Variants in NALF1 observed in about 807,000 individuals in gnomAD.
The protein encoded by NALF1 is family with sequence similarity 155 member A.
NALF1 carries 3 observed loss-of-function variants against 48.4 expected under a neutral mutation model. The observed-to-expected ratio is 0.06, with a 90% CI of 0.03 to 0.16. NALF1 has a LOEUF of 0.16. Among genes scored for constraint, NALF1 ranks in the 10% least tolerant of loss-of-function variants. The probability of loss-of-function intolerance (pLI) is 1.00; values close to 1 mark genes in which losing one functional copy is unlikely to be tolerated. For synonymous variants in NALF1, 262 were observed against 245.7 expected, an observed-to-expected ratio of 1.07 and a Z score of -0.62; for missense variants, 526 against 571.5, an observed-to-expected ratio of 0.92 and a Z score of 0.81.
rs115818347 is a variant in NALF1, at chr13:107,742,019, A to G, written c.915+123663T>C. Among the ~76,000 whole-genome samples, 444 of 152,342 alleles carry G rather than the reference A, an allele frequency of 2.9e-3. 3 individuals are homozygous for G. The highest frequency in any genetic ancestry group is 0.01 in the African/African-American group (421 of 41,568). On this transcript the variant is annotated intron_variant, in intron 1 of 2. Transcript: ENST00000375915. Reference sequence around the variant, plus strand: ...ATTAAAAATTAAGTTGATACCATCAATATCCATTACATATGTTTACAATGT... The same window carrying G: ...ATTAAAAATTAAGTTGATACCATCAGTATCCATTACATATGTTTACAATGT...
chr13:107,352,182 CCA>C (rs1470721503), intron 1 of NALF1, among the ~76,000 whole-genome samples: 1 of 152,094 alleles, frequency 6.6e-6, no homozygotes, highest in South Asian at 2.1e-4. Flanking sequence ...CAGAATCACT[CCA>C]CAGTCAGGAA....
intron 1 of NALF1, among the ~76,000 whole-genome samples, chr13:107,344,559 C>A (rs973897776): frequency 6.6e-6 from 1 of 152,136 alleles, no homozygotes; most frequent in Non-Finnish European, 1.5e-5. Context: ...TAATACACCA[C>A]ATCAACCAAA....
intron 1 of NALF1, among the ~76,000 whole-genome samples, chr13:107,332,337 A>T (rs1882483487): frequency 6.6e-6 from 1 of 152,222 alleles, no homozygotes; most frequent in African/African-American, 2.4e-5. Flanking sequence ...GAAGGGAATT[A>T]CATCAACACT....
chr13:107,347,767 C>T (rs1444324681), intron 1 of NALF1, among the ~76,000 whole-genome samples: 4 of 152,234 alleles, frequency 2.6e-5, no homozygotes, highest in Non-Finnish European at 4.4e-5. Flanking sequence ...TATTTTACTT[C>T]TGCTAATAAC....
intron 1 of NALF1, among the ~76,000 whole-genome samples, chr13:107,615,568 G>C (rs1057277012): frequency 6.6e-6 from 1 of 152,154 alleles, no homozygotes; most frequent in African/African-American, 2.4e-5. Context: ...TCAGAGCGAG[G>C]TCATAACCTG....
chr13:107,565,981 G>C (rs1235545390), intron 1 of NALF1, among the ~76,000 whole-genome samples: 1 of 152,176 alleles, frequency 6.6e-6, no homozygotes, highest in African/African-American at 2.4e-5. Flanking sequence ...TCACTGGCTA[G>C]AACGTAGATT....
At chr13:107,865,343 C>T (rs1420429226) in intron 1 of NALF1, among the ~76,000 whole-genome samples, 1 of 152,114 alleles carries the variant, frequency 6.6e-6, no homozygotes, top group Non-Finnish European at 1.5e-5. Context: ...TTGCTATTTT[C>T]CTGACAAGAC....
intron 1 of NALF1, among the ~76,000 whole-genome samples, chr13:107,284,398 G>C (rs1881450278): frequency 6.6e-6 from 1 of 152,110 alleles, no homozygotes; most frequent in African/African-American, 2.4e-5. Flanking sequence ...CCATGAGGAA[G>C]AAAGGAACTT....
chr13:107,354,569 G>A (rs538189686), intron 1 of NALF1, among the ~76,000 whole-genome samples: 4 of 152,240 alleles, frequency 2.6e-5, no homozygotes, highest in South Asian at 2.1e-4. Flanking sequence ...GTCCGCCCCC[G>A]AACAATAGGT....
At chr13:107,754,167 T>C (rs547037282) in intron 1 of NALF1, among the ~76,000 whole-genome samples, 1 of 152,216 alleles carries the variant, frequency 6.6e-6, no homozygotes, top group Non-Finnish European at 1.5e-5. Context: ...GATATGACTT[T>C]CTTCCTACTT....
intron 1 of NALF1, among the ~76,000 whole-genome samples, chr13:107,582,432 C>T (rs1878339101): frequency 6.6e-6 from 1 of 152,188 alleles, no homozygotes; most frequent in Non-Finnish European, 1.5e-5. Flanking sequence ...ATAACACTTG[C>T]ATCTAGTCCC....
chr13:107,203,994 CTGGAGG>C (rs1294627574), intron 2 of NALF1, among the ~76,000 whole-genome samples: 13 of 136,776 alleles, frequency 9.5e-5, no homozygotes, highest in African/African-American at 3.3e-4. Context: ...CCCAGGTGAG[CTGGAGG>C]CAGAGAGGGG....
chr13:107,459,671 C>G (rs961706857), intron 1 of NALF1, among the ~76,000 whole-genome samples: 1 of 152,020 alleles, frequency 6.6e-6, no homozygotes. Context: ...TCTCCTGGAG[C>G]GAAAGTAAGT....
chr13:107,247,953 G>A (rs564398804), intron 1 of NALF1, among the ~76,000 whole-genome samples: 2 of 152,172 alleles, frequency 1.3e-5, no homozygotes. Context: ...GCATTATGGT[G>A]GCTTAGCAAA....
chr13:107,736,794 AG>A (rs1485490761), intron 1 of NALF1, among the ~76,000 whole-genome samples: 1 of 152,228 alleles, frequency 6.6e-6, no homozygotes, highest in Non-Finnish European at 1.5e-5. Context: ...CTGATAGATG[AG>A]AAAAAGAAAG....
chr13:107,322,749 A>G (rs977793744), intron 1 of NALF1, among the ~76,000 whole-genome samples: 10 of 152,108 alleles, frequency 6.6e-5, no homozygotes, highest in African/African-American at 2.4e-4. Flanking sequence ...CCACTCTTTC[A>G]AGTCCACAAT....
chr13:107,390,301 C>T lies in NALF1; in HGVS notation c.916-179546G>A, dbSNP rs183087073. ...TGGAGGTTATAGTGGGCCAAGATCA[C>T]GCCACTGCACTCCAGCCTGGGTGAC... On this transcript the variant is annotated intron_variant, in intron 1 of 2. Coordinates refer to ENST00000375915, the MANE Select transcript of NALF1 (RefSeq NM_001080396.3). 1.9e-4 allele frequency among the ~76,000 whole-genome samples: 28 copies of T among 151,104 alleles called. No individual in the cohort carries two copies. In the East Asian group the frequency reaches 3.9e-3, roughly 21 times the overall value.
intron 1 of NALF1, among the ~76,000 whole-genome samples, chr13:107,235,995 A>T (rs1880334047): frequency 1.3e-5 from 2 of 152,200 alleles, no homozygotes; most frequent in Admixed American, 1.3e-4. Flanking sequence ...TTACAGAGGA[A>T]AGAATACTCC....
intron 1 of NALF1, among the ~76,000 whole-genome samples, chr13:107,688,259 A>G (rs1268828644): frequency 6.6e-6 from 1 of 152,154 alleles, no homozygotes; most frequent in Non-Finnish European, 1.5e-5. Flanking sequence ...GAGATATTAC[A>G]TGTGGCCCCA....
Sources: gnomAD v4.1 joint callset for allele counts (sites outside exome capture counted in the v4.1 genomes callset) on GRCh38, gnomAD v4.1.1 for gene constraint, MANE v1.5 for transcripts, NCBI Gene and HGNC (gene_info 2026-07-23, HGNC 2026-07-21) for gene names.